Variants in PPFIBP1 observed in about 807,000 individuals in gnomAD.
The protein encoded by PPFIBP1 is liprin-beta-1.
In PPFIBP1, 112 loss-of-function variants were observed where a neutral mutation model predicts 137.8. The ratio of observed to expected loss-of-function variants is 0.81; its 90% confidence interval spans 0.70 to 0.95. PPFIBP1 has a LOEUF of 0.95. Ranked by LOEUF, PPFIBP1 falls within the 40% of genes least tolerant of loss-of-function variation. PPFIBP1 has a pLI of 0.00. For missense variants in PPFIBP1, 1,083 were observed against 1,196.6 expected (o/e 0.91, Z 1.40); for synonymous variants, 378 against 417.3 (o/e 0.91, Z 1.15).
intron 2 of PPFIBP1, among the ~76,000 whole-genome samples, chr12:27,619,212 G>C (rs1465002070): frequency 6.6e-6 from 1 of 151,956 alleles, no homozygotes; most frequent in Non-Finnish European, 1.5e-5. Context: ...TCAAGTCCCT[G>C]ATATAAAATG....
intron 1 of PPFIBP1, among the ~76,000 whole-genome samples, chr12:27,537,434 C>T (rs913491389): frequency 3.3e-5 from 5 of 152,182 alleles, no homozygotes; most frequent in Non-Finnish European, 5.9e-5. Context: ...CCCGGCCCCC[C>T]GTTTCCTTAT....
chr12:27,687,042 C>T (rs2061247217), intron 24 of PPFIBP1, among the ~76,000 whole-genome samples: 1 of 152,162 alleles, frequency 6.6e-6, no homozygotes, highest in Non-Finnish European at 1.5e-5. Flanking sequence ...CAAATAAATT[C>T]CCTGTTTGTA....
chr12:27,614,242 A>C (rs2055493936), intron 2 of PPFIBP1, among the ~76,000 whole-genome samples: 1 of 152,124 alleles, frequency 6.6e-6, no homozygotes, highest in South Asian at 2.1e-4. Flanking sequence ...AGCCAAGTGT[A>C]GTGGTACATA....
intron 12 of PPFIBP1, among the ~76,000 whole-genome samples, chr12:27,666,451 T>A (rs1001307023): frequency 6.6e-6 from 1 of 152,194 alleles, no homozygotes; most frequent in Non-Finnish European, 1.5e-5. Flanking sequence ...AGTGTATGAT[T>A]TACCATGTCA....
At chr12:27,687,314 T>G in intron 24 of PPFIBP1, 71 bp from the exon 25 acceptor site, 78 of 1,518,286 alleles carry the variant, frequency 5.1e-5, no homozygotes, top group Non-Finnish European at 6.1e-5. Context: ...TCCAGTTTTC[T>G]GAGATTCCCT....
At chr12:27,659,529 C>CT (rs2059413961) in intron 10 of PPFIBP1, among the ~76,000 whole-genome samples, 2 of 152,164 alleles carry the variant, frequency 1.3e-5, no homozygotes, top group East Asian at 3.9e-4. Flanking sequence ...GGAAGGATCA[C>CT]TTGAGCCCCA....
intron 4 of PPFIBP1, 187 bp downstream of exon 4, chr12:27,635,302 C>T (rs986372839): frequency 4.9e-5 from 31 of 629,958 alleles, no homozygotes; most frequent in Middle Eastern, 8.4e-4. Context: ...TATTAGTGTA[C>T]ATTTTGTAAA....
At chr12:27,546,847 C>G (rs947817909) in intron 1 of PPFIBP1, among the ~76,000 whole-genome samples, 5 of 152,028 alleles carry the variant, frequency 3.3e-5, no homozygotes, top group African/African-American at 1.2e-4. Flanking sequence ...AACCCCATCT[C>G]TACAAAAAAT....
intron 11 of PPFIBP1, 124 bp downstream of exon 11, chr12:27,661,069 G>A (rs2059514908): frequency 2.1e-6 from 3 of 1,399,510 alleles, no homozygotes; most frequent in Admixed American, 2.4e-5. Context: ...GGAGTGAGGG[G>A]CAGGTGTGCA....
intron 24 of PPFIBP1, 133 bp from the exon 25 acceptor site, chr12:27,687,252 G>A (rs1593390246): frequency 1.9e-6 from 2 of 1,063,262 alleles, no homozygotes; most frequent in East Asian, 5.6e-5. Context: ...GGGAAAGTGG[G>A]TTCTGACAAG....
chr12:27,619,062 A>C lies in PPFIBP1; in HGVS notation c.-35-14300A>C, dbSNP rs568671468. ...GGGGAGAGACAAGTGCTATAGGAGTACTTGATGATGCGGTAATCTTCCTTG... is the reference window on the plus strand; with the variant it reads ...GGGGAGAGACAAGTGCTATAGGAGTCCTTGATGATGCGGTAATCTTCCTTG... On this transcript the variant is annotated intron_variant, in intron 2 of 29. Coordinates refer to ENST00000228425, the MANE Select transcript of PPFIBP1 (RefSeq NM_003622.4). Among the ~76,000 whole-genome samples the C allele has an allele frequency of 4.6e-5, 7 of 152,252 alleles. No individual in the cohort carries two copies. In the South Asian group the frequency reaches 1.0e-3, roughly 23 times the overall value.
intron 13 of PPFIBP1, among the ~76,000 whole-genome samples, chr12:27,669,202 CAAG>C (rs1447695610): frequency 1.3e-5 from 2 of 151,954 alleles, no homozygotes; most frequent in Non-Finnish European, 2.9e-5. Context: ...AAAATGAATT[CAAG>C]AAGAAAACAT....
At chr12:27,650,210 A>C in intron 7 of PPFIBP1, 69 bp downstream of exon 7, 5 of 1,375,188 alleles carry the variant, frequency 3.6e-6, no homozygotes, top group Non-Finnish European at 4.9e-6. Flanking sequence ...TGACACACAT[A>C]CATTCCTAGG....
chr12:27,592,109 G>A (rs1420056555), intron 2 of PPFIBP1, among the ~76,000 whole-genome samples: 1 of 152,222 alleles, frequency 6.6e-6, no homozygotes, highest in Non-Finnish European at 1.5e-5. Flanking sequence ...TCCCTTGGAA[G>A]TGCATCTTCC....
Position 27,550,996 on chromosome 12 carries a change from T to A in PPFIBP1, c.-124+26631T>A, listed in dbSNP as rs1450161195. Among the ~76,000 whole-genome samples the A allele has an allele frequency of 7.9e-4, 113 of 143,586 alleles. 1 individual carries two copies. The highest frequency in any genetic ancestry group is 1.6e-3 in the African/African-American group (64 of 39,456). The allele number at this position is 143,586 out of a possible 152,430, so 94.2% of individuals were successfully genotyped here. On this transcript the variant is annotated intron_variant, in intron 1 of 29. Coordinates refer to ENST00000228425, the MANE Select transcript of PPFIBP1 (RefSeq NM_003622.4). Reference sequence around the variant, plus strand: ...CTAATTTTATATATATATATATTTTTTTTTTTTTAACAAACGTGAAAACTG... The same window carrying A: ...CTAATTTTATATATATATATATTTTATTTTTTTTAACAAACGTGAAAACTG...
intron 28 of PPFIBP1, 136 bp from the exon 29 acceptor site, chr12:27,692,455 T>C: frequency 1.3e-6 from 1 of 758,700 alleles, no homozygotes; most frequent in South Asian, 1.7e-5. Flanking sequence ...AAGGAGATTA[T>C]CACCAGAAGT....
intron 4 of PPFIBP1, among the ~76,000 whole-genome samples, chr12:27,639,652 C>T (rs1242717386): frequency 2.6e-5 from 4 of 152,234 alleles, no homozygotes; most frequent in African/African-American, 9.6e-5. Context: ...CAGGCATCAT[C>T]ACCCATGAGA....
chr12:27,676,632 C>A (rs1191437497), intron 18 of PPFIBP1, 33 bp downstream of exon 18: 3 of 1,491,738 alleles, frequency 2.0e-6, no homozygotes, highest in Non-Finnish European at 2.7e-6. Flanking sequence ...TGCCCTAATT[C>A]TTCCACAAGG....
intron 1 of PPFIBP1, among the ~76,000 whole-genome samples, chr12:27,542,019 T>C (rs1945731902): frequency 6.6e-6 from 1 of 152,188 alleles, no homozygotes; most frequent in Admixed American, 6.5e-5. Flanking sequence ...CTTTGTTACT[T>C]ACCCATCCTG....
Sources: gnomAD v4.1 joint callset for allele counts (sites outside exome capture counted in the v4.1 genomes callset) on GRCh38, gnomAD v4.1.1 for gene constraint, MANE v1.5 for transcripts, NCBI Gene and HGNC (gene_info 2026-07-23, HGNC 2026-07-21) for gene names.